The following SLC24A2 variants were observed in gnomAD, a reference collection of about 807,000 sequenced individuals.
SLC24A2 encodes the protein solute carrier family 24 member 2, also known as sodium/potassium/calcium exchanger 2.
SLC24A2 carries 36 observed loss-of-function variants against 62.0 expected under a neutral mutation model. That is an observed-to-expected ratio of 0.58 (90% CI 0.44 to 0.77). The LOEUF is 0.77. Among genes scored for constraint, SLC24A2 ranks in the 30% least tolerant of loss-of-function variants. SLC24A2 has a pLI of 0.00. For missense variants in SLC24A2, 846 were observed against 817.9 expected, an observed-to-expected ratio of 1.03 and a Z score of -0.42; for synonymous variants, 358 against 294.0, an observed-to-expected ratio of 1.22 and a Z score of -2.23.
chr9:20,272,900 AGGT>A, the SLC24A2 span, among the ~76,000 whole-genome samples: 1 of 152,198 alleles, frequency 6.6e-6, no homozygotes, highest in African/African-American at 2.4e-5. Context: ...TGATATCCTT[AGGT>A]GTTGCAAGTA....
At chr9:19,785,800 C>A in intron 2 of SLC24A2, 137 bp downstream of exon 2, 2 of 1,145,518 alleles carry the variant, frequency 1.7e-6, no homozygotes, top group Non-Finnish European at 2.6e-6. Flanking sequence ...GTCTAGCTAT[C>A]ACAGAACTGC....
intron 2 of SLC24A2, among the ~76,000 whole-genome samples, chr9:19,629,069 C>G (rs764655874): frequency 3.1e-4 from 47 of 152,030 alleles, no homozygotes; most frequent in Admixed American, 1.4e-3. Flanking sequence ...TCATCGAATC[C>G]TCACAATAAT....
chr9:20,074,555 C>CAGGAAGGAAGGCAGGA, the SLC24A2 span, among the ~76,000 whole-genome samples: 1 of 87,316 alleles, frequency 1.1e-5, no homozygotes, highest in Admixed American at 1.3e-4. Flanking sequence ...GAGAAGAAGG[C>CAGGAAGGAAGGCAGGA]AGGAAGGAAG....
chr9:19,518,410 TTTTTC>T (rs755461478), intron 10 of SLC24A2, among the ~76,000 whole-genome samples: 37 of 151,802 alleles, frequency 2.4e-4, no homozygotes, highest in East Asian at 2.3e-3. Flanking sequence ...CTTTTCTTTC[TTTTTC>T]TTTTCTTTTC....
chr9:20,275,310 G>A, the SLC24A2 span, among the ~76,000 whole-genome samples: 9 of 152,182 alleles, frequency 5.9e-5, no homozygotes, highest in South Asian at 1.9e-3. Context: ...TCACACTAAT[G>A]CCAGAGCACT....
intron 7 of SLC24A2, among the ~76,000 whole-genome samples, chr9:19,559,252 T>A (rs190060609): frequency 2.4e-4 from 36 of 152,338 alleles, no homozygotes; most frequent in Admixed American, 3.9e-4. Flanking sequence ...TATAATTATT[T>A]GATTTGAAGG....
At chr9:19,768,799 T>C (rs1390873952) in intron 2 of SLC24A2, among the ~76,000 whole-genome samples, 1 of 152,200 alleles carries the variant, frequency 6.6e-6, no homozygotes, top group African/African-American at 2.4e-5. Flanking sequence ...ACTACTGTGC[T>C]TTCTTCATCT....
chr9:20,080,653 T>A, the SLC24A2 span, among the ~76,000 whole-genome samples: 1 of 152,168 alleles, frequency 6.6e-6, no homozygotes, highest in African/African-American at 2.4e-5. Flanking sequence ...AAAGAGCTTC[T>A]GCACAGCAAA....
chr9:20,149,659 T>G, the SLC24A2 span, among the ~76,000 whole-genome samples: 18 of 152,114 alleles, frequency 1.2e-4, no homozygotes, highest in African/African-American at 4.1e-4. Context: ...GAATTTTATA[T>G]AATTTTCATG....
chr9:19,609,176 A>T (rs1278237758), intron 4 of SLC24A2, among the ~76,000 whole-genome samples: 1 of 152,242 alleles, frequency 6.6e-6, no homozygotes, highest in Non-Finnish European at 1.5e-5. Flanking sequence ...TTGCCATGCC[A>T]GAAGGCCACT....
the SLC24A2 span, among the ~76,000 whole-genome samples, chr9:20,280,136 A>G: frequency 1.5e-3 from 227 of 152,286 alleles, no homozygotes; most frequent in African/African-American, 5.3e-3. Flanking sequence ...AAAGTAGTTT[A>G]TTAGGGGAGT....
At chr9:20,162,301 A>C in the SLC24A2 span, among the ~76,000 whole-genome samples, 1 of 151,772 alleles carries the variant, frequency 6.6e-6, no homozygotes, top group East Asian at 1.9e-4. Context: ...TCAAAAGAGA[A>C]AACTTCATTT....
At chr9:19,521,212 G>C in intron 9 of SLC24A2, 152 bp from the exon 10 acceptor site, 1 of 743,378 alleles carries the variant, frequency 1.3e-6, no homozygotes, top group East Asian at 2.7e-5. Flanking sequence ...CACAGTCATT[G>C]CTAATAGAGT....
chr9:19,624,220 C>T (rs916595165), intron 2 of SLC24A2, among the ~76,000 whole-genome samples: 1 of 152,116 alleles, frequency 6.6e-6, no homozygotes, highest in Non-Finnish European at 1.5e-5. Context: ...GATTAACCGT[C>T]AGAGCACGCC....
At chr9:19,827,109 C>T in the SLC24A2 span, among the ~76,000 whole-genome samples, 1 of 152,124 alleles carries the variant, frequency 6.6e-6, no homozygotes, top group South Asian at 2.1e-4. Flanking sequence ...TTTCATGTTT[C>T]TAAGTTGTCA....
chr9:20,297,164 C>A, the SLC24A2 span, among the ~76,000 whole-genome samples: 3 of 152,202 alleles, frequency 2.0e-5, no homozygotes, highest in African/African-American at 7.2e-5. Context: ...AAACCCAGGT[C>A]TGTCCCATTC....
intron 2 of SLC24A2, among the ~76,000 whole-genome samples, chr9:19,730,668 C>T (rs992104608): frequency 6.6e-6 from 1 of 152,066 alleles, no homozygotes; most frequent in Non-Finnish European, 1.5e-5. Context: ...AGAATACACA[C>T]ATATGTATAT....
At chr9:20,133,048 T>C in the SLC24A2 span, among the ~76,000 whole-genome samples, 3 of 152,098 alleles carry the variant, frequency 2.0e-5, no homozygotes, top group Non-Finnish European at 4.4e-5. Flanking sequence ...TGAATCCTTA[T>C]TCTGTTCACT....
intron 5 of SLC24A2, among the ~76,000 whole-genome samples, chr9:19,586,452 T>C (rs528406011): frequency 6.6e-6 from 1 of 152,274 alleles, no homozygotes; most frequent in South Asian, 2.1e-4. Flanking sequence ...CCTTCCTTTT[T>C]AGGGGTACAG....
Sources: gnomAD v4.1 joint callset for allele counts (sites outside exome capture counted in the v4.1 genomes callset) on GRCh38, gnomAD v4.1.1 for gene constraint, MANE v1.5 for transcripts, NCBI Gene and HGNC (gene_info 2026-07-23, HGNC 2026-07-21) for gene names.